Variants in ADAMTS17 observed in about 807,000 individuals in gnomAD.
ADAMTS17 encodes the protein ADAM metallopeptidase with thrombospondin type 1 motif 17.
A neutral mutation model predicts 141.5 loss-of-function variants in ADAMTS17; 113 were observed. The ratio of observed to expected loss-of-function variants is 0.80; its 90% CI spans 0.69 to 0.93. The LOEUF is 0.93. Ranked by LOEUF, ADAMTS17 falls within the 40% of genes least tolerant of loss-of-function variation. The pLI is 0.00. For missense variants in ADAMTS17, 1,659 were observed against 1,517.9 expected, an observed-to-expected ratio of 1.09 and a Z score of -1.54; for synonymous variants, 768 against 630.6, an observed-to-expected ratio of 1.22 and a Z score of -3.27.
intron 3 of ADAMTS17, among the ~76,000 whole-genome samples, chr15:100,282,150 T>C (rs1014547664): frequency 6.6e-6 from 1 of 152,190 alleles, no homozygotes; most frequent in Admixed American, 6.5e-5. Flanking sequence ...CATGGAAACA[T>C]CTCTGACCAA....
chr15:100,001,994 CAAAAAAAAAAAA>C (rs71151931), intron 18 of ADAMTS17, among the ~76,000 whole-genome samples: 1 of 58,382 alleles, frequency 1.7e-5, no homozygotes, highest in Non-Finnish European at 3.1e-5. Context: ...AGGCCAAACC[CAAAAAAAAAAAA>C]AAAAAAAAAA....
intron 20 of ADAMTS17, among the ~76,000 whole-genome samples, chr15:99,977,241 G>A (rs1417720084): frequency 6.7e-6 from 1 of 150,330 alleles, no homozygotes; most frequent in Non-Finnish European, 1.5e-5. Context: ...GCATGAGGAG[G>A]TGCCGTGTTT....
intron 8 of ADAMTS17, 54 bp downstream of exon 8, chr15:100,199,264 C>A (rs148895101): frequency 4.0e-6 from 6 of 1,487,716 alleles, no homozygotes; most frequent in East Asian, 2.3e-5. Context: ...AGTGAAAAAT[C>A]TGCACTCAAA....
rs756303992 is a variant in ADAMTS17, at chr15:100,096,366, G to T, written c.2127C>A (p.Ala709=). 1 of 1,613,792 alleles carries T rather than the reference G, an allele frequency of 6.2e-7. No individual in the cohort carries two copies. The highest frequency in any genetic ancestry group is 8.5e-7 in the Non-Finnish European group (1 of 1,180,036). The change falls in exon 15 of 22, where the codon GCC becomes GCA. Residue 709 remains alanine, a synonymous_variant. Coordinates refer to ENST00000268070, the MANE Select transcript of ADAMTS17 (RefSeq NM_139057.4). ...CHLVKGDFSH[A]RGTALKDSGK... ...TGGGCCAACACTCACCTGTCCCCCG[G>T]GCGTGGCTGAAGTCGCCCTTCACCA...
intron 11 of ADAMTS17, 62 bp downstream of exon 11, chr15:100,133,152 G>A (rs1421359454): frequency 1.4e-6 from 2 of 1,433,802 alleles, no homozygotes; most frequent in Non-Finnish European, 1.9e-6. Flanking sequence ...TGTCAGAAGA[G>A]GTGCCAGTTG....
At chr15:100,077,169 C>A (rs1304581379) in intron 15 of ADAMTS17, among the ~76,000 whole-genome samples, 1 of 150,136 alleles carries the variant, frequency 6.7e-6, no homozygotes, top group African/African-American at 2.4e-5. Flanking sequence ...TCAGACTGGG[C>A]ACACTGGCTA....
Position 100,132,014 on chromosome 15 carries a change from T to G in ADAMTS17, c.1714A>C (p.Asn572His), listed in dbSNP as rs760004004. ...GCTGGTCAGGGGACTTACGGGGGGT[T>G]GTCACATTTCCTCTGCCTGAAGCGG... ...GARFRQRKCDNPPPGPGGTHC... is the reference protein window; with the variant it reads ...GARFRQRKCDHPPPGPGGTHC... Residue 572 changes from asparagine to histidine, a missense_variant, in exon 12 of 22, where the codon AAC becomes CAC. By Grantham distance (68) the Asn-to-His change is moderately conservative. Transcript: ENST00000268070. 2 of 1,614,228 alleles carry G rather than the reference T, an allele frequency of 1.2e-6. No homozygotes were observed. The highest frequency in any genetic ancestry group is 3.3e-5 in the Admixed American group (2 of 60,028).
chr15:100,341,336 C>A lies in ADAMTS17; in HGVS notation c.153G>T (p.Pro51=). ...GGGGCCCGGGGGCTGCGGGCAGCGGCGGCAGGTGCACGTCGTCGGGGCGCA... is the reference window on the plus strand; with the variant it reads ...GGGGCCCGGGGGCTGCGGGCAGCGGAGGCAGGTGCACGTCGTCGGGGCGCA... ...WRVRPDDVHL[P]PLPAAPGPRR... is the part of the protein sequence containing the mutation. Residue 51 remains proline (P), a synonymous_variant, in exon 2 of 22, where the codon CCG becomes CCT. Transcript: ENST00000268070. 10 of 1,022,782 alleles carry A rather than the reference C, an allele frequency of 9.8e-6. No homozygotes were observed. The highest frequency in any genetic ancestry group is 1.2e-5 in the Non-Finnish European group (10 of 856,614). 63.4% of individuals were successfully genotyped at this position (1,022,782 alleles called of 1,614,324 possible).
chr15:100,273,951 T>C (rs911811588), intron 4 of ADAMTS17, among the ~76,000 whole-genome samples: 3 of 152,236 alleles, frequency 2.0e-5, no homozygotes, highest in Admixed American at 6.5e-5. Context: ...GGTTATTTAA[T>C]AGTATGTGGT....
intron 3 of ADAMTS17, among the ~76,000 whole-genome samples, chr15:100,323,084 C>CAAAAAAAAAAAAAAAA: frequency 9.3e-6 from 1 of 107,486 alleles, no homozygotes; most frequent in Non-Finnish European, 1.8e-5. Flanking sequence ...GACTCCGTCT[C>CAAAAAAAAAAAAAAAA]AAAAAAAAAA....
At chr15:100,024,710 T>C (rs531052835) in intron 18 of ADAMTS17, among the ~76,000 whole-genome samples, 2 of 152,346 alleles carry the variant, frequency 1.3e-5, no homozygotes, top group South Asian at 2.1e-4. Context: ...AGTCCTCCTA[T>C]GTATCCCTTG....
At chr15:100,293,956 T>A (rs1436460701) in intron 3 of ADAMTS17, among the ~76,000 whole-genome samples, 1 of 152,188 alleles carries the variant, frequency 6.6e-6, no homozygotes, top group Non-Finnish European at 1.5e-5. Flanking sequence ...AGTCGTAAGG[T>A]GCCCAACTTT....
chr15:100,201,712 T>C (rs1335827149), intron 7 of ADAMTS17, among the ~76,000 whole-genome samples: 1 of 152,064 alleles, frequency 6.6e-6, no homozygotes, highest in Non-Finnish European at 1.5e-5. Flanking sequence ...TGCCTCAAGA[T>C]GGTTTTGTGG....
At chr15:100,329,725 G>A (rs2045993495) in intron 3 of ADAMTS17, among the ~76,000 whole-genome samples, 1 of 152,140 alleles carries the variant, frequency 6.6e-6, no homozygotes, top group Non-Finnish European at 1.5e-5. Context: ...AGGTTTCAGA[G>A]ATGCCCTCTA....
At chr15:100,216,377 G>C (rs2041968890) in intron 7 of ADAMTS17, among the ~76,000 whole-genome samples, 1 of 152,242 alleles carries the variant, frequency 6.6e-6, no homozygotes, top group Non-Finnish European at 1.5e-5. Context: ...CCAGCGTAGA[G>C]GCTGTGAACC....
At chr15:99,980,402 G>C (rs2060460358) in intron 20 of ADAMTS17, 1 of 152,210 alleles carries the variant, frequency 6.6e-6, no homozygotes, top group Admixed American at 6.5e-5. Flanking sequence ...TTTCTCTTCA[G>C]ATCTTTTCTC....
At chr15:100,072,524 A>C (rs1353630049) in intron 15 of ADAMTS17, among the ~76,000 whole-genome samples, 1 of 152,036 alleles carries the variant, frequency 6.6e-6, no homozygotes, top group Non-Finnish European at 1.5e-5. Flanking sequence ...AGGCTACAGT[A>C]ACCAAAACAG....
At chr15:100,180,743 T>C (rs2040495705) in intron 8 of ADAMTS17, among the ~76,000 whole-genome samples, 1 of 152,202 alleles carries the variant, frequency 6.6e-6, no homozygotes, top group South Asian at 2.1e-4. Context: ...ACTTCTTTGG[T>C]TAAGTTAATT....
chr15:100,049,100 G>C, intron 17 of ADAMTS17, 108 bp from the exon 18 acceptor site: 5 of 1,506,362 alleles, frequency 3.3e-6, no homozygotes, highest in Non-Finnish European at 4.6e-6. Context: ...TGGTCACTTG[G>C]TCATTTAAAG....
Sources: gnomAD v4.1 joint callset for allele counts (sites outside exome capture counted in the v4.1 genomes callset) on GRCh38, gnomAD v4.1.1 for gene constraint, MANE v1.5 for transcripts, NCBI Gene and HGNC (gene_info 2026-07-23, HGNC 2026-07-21) for gene names.